Variants in CCNF observed in about 807,000 individuals in gnomAD.
The protein encoded by CCNF is cyclin-F.
In CCNF, 30 loss-of-function variants were observed where a neutral mutation model predicts 85.4. The ratio of observed to expected loss-of-function variants is 0.35; its 90% confidence interval spans 0.26 to 0.48. The LOEUF (loss-of-function observed/expected upper bound fraction) is 0.48, where lower values mean the gene tolerates loss of function less well. Ranked by LOEUF, CCNF falls within the 20% of genes least tolerant of loss-of-function variation. The pLI is 0.99. For synonymous variants in CCNF, 439 were observed against 425.1 expected, an observed-to-expected ratio of 1.03 and a Z score of -0.40; for missense variants, 919 against 1,010.4, an observed-to-expected ratio of 0.91 and a Z score of 1.23.
Position 2,454,589 on chromosome 16 carries a change from G to A in CCNF, c.1716-806G>A, listed in dbSNP as rs2065414776. Among the ~76,000 whole-genome samples, 2 of 152,240 alleles carry A rather than the reference G, an allele frequency of 1.3e-5. 1 individual carries two copies. Among genetic ancestry groups the A allele is most frequent in the South Asian group, 4.1e-4 (2 of 4,832 alleles). On this transcript the variant is annotated intron_variant, in intron 15 of 16. Transcript: ENST00000397066. Reference sequence around the variant, plus strand: ...CCACCAGGCCCTGGGGTCAGGAAGTGGAAAGGCTCAGCTGGTGTGGCGGCT... The same window carrying A: ...CCACCAGGCCCTGGGGTCAGGAAGTAGAAAGGCTCAGCTGGTGTGGCGGCT...
chr16:2,458,418 T>C lies in CCNF; in HGVS notation c.*1398T>C, dbSNP rs1035056876. ...AAGCACCCAACCACGCCCAGCTAAT[T>C]TTTGTATTTTCGGTAGAGACGGGAT... On this transcript the variant is annotated 3_prime_UTR_variant, in exon 17 of 17. Coordinates refer to ENST00000397066, the MANE Select transcript of CCNF (RefSeq NM_001761.3). The C allele has an allele frequency of 1.2e-4, 18 of 152,146 alleles. No homozygotes were observed. The highest frequency in any genetic ancestry group is 3.6e-4 in the African/African-American group (15 of 41,490). 9.4% of individuals were successfully genotyped at this position (152,146 alleles called of 1,614,324 possible). A position where few individuals can be genotyped will look rare whatever the true frequency, so the allele number is the denominator to read the frequency against.
rs2065396218 is a variant in CCNF, at chr16:2,451,713, GGGT to G, written c.1488-1495_1488-1493del. Among the ~76,000 whole-genome samples the G allele has an allele frequency of 6.6e-6, 1 of 152,146 alleles. No individual in the cohort carries two copies. The highest frequency in any genetic ancestry group is 1.5e-5 in the Non-Finnish European group (1 of 67,998). ...CCACAGGCACCAGCACAGCAGGCCT[GGGT>G]GCTTTTCTCCAGCCAGCATTACGCT... On this transcript the variant is annotated intron_variant, in intron 13 of 16. Coordinates refer to ENST00000397066, the MANE Select transcript of CCNF (RefSeq NM_001761.3). The surrounding 1 kb of genome is among the most constrained non-coding windows in gnomAD (Gnocchi z 4.3).
intron 8 of CCNF, among the ~76,000 whole-genome samples, chr16:2,442,889 T>TA (rs532798980): frequency 0.75 from 66,823 of 89,012 alleles, 25,662 homozygotes; most frequent in African/African-American, 0.92. Flanking sequence ...TATAATTATA[T>TA]ATTATATATT....
rs527743818 is a variant in CCNF at position 2,433,227 on chromosome 16, G to A, written c.278+160G>A. ...AGTGACTGAGGGTGGCAGACCTCAC[G>A]CATCAGGCCGCACAAGCCACACACC... is the stretch of plus-strand genomic sequence containing the variant. On this transcript the variant is annotated intron_variant, in intron 3 of 16. Transcript: ENST00000397066. Among the ~76,000 whole-genome samples the A allele has an allele frequency of 3.8e-3, 584 of 152,224 alleles. 2 individuals carry two copies. The highest frequency in any genetic ancestry group is 6.5e-3 in the Non-Finnish European group (441 of 68,002).
At chr16:2,450,753 AC>A (rs1189657526) in intron 13 of CCNF, among the ~76,000 whole-genome samples, 1 of 152,132 alleles carries the variant, frequency 6.6e-6, no homozygotes, top group African/African-American at 2.4e-5. Context: ...GGCAGCAGCC[AC>A]CCTCACTGGT....
At chr16:2,440,850 A>T (rs2065317350) in intron 8 of CCNF, among the ~76,000 whole-genome samples, 1 of 152,172 alleles carries the variant, frequency 6.6e-6, no homozygotes, top group African/African-American at 2.4e-5. Context: ...GCGCTGTAGG[A>T]GGTTGAGTTG....
chr16:2,438,704 T>A (rs995305357), intron 6 of CCNF, among the ~76,000 whole-genome samples: 1 of 150,530 alleles, frequency 6.6e-6, no homozygotes, highest in Non-Finnish European at 1.5e-5. Flanking sequence ...GAACATCAAG[T>A]AAAGAATAAG....
At position 2,445,631 on chromosome 16, in the gene CCNF, C is replaced by T. The variant is rs2065357838; in HGVS notation, c.1094+9C>T. 1 of 1,608,906 alleles carries T rather than the reference C, an allele frequency of 6.2e-7. No homozygotes were observed. The highest frequency in any genetic ancestry group is 1.1e-5 in the South Asian group (1 of 90,916). On this transcript the variant is annotated intron_variant, in intron 10 of 16. Transcript: ENST00000397066. The stretch of plus-strand genomic sequence containing the variant: ...ATGGTCATCTGCACCCGGTGAGAAG[C>T]CCCCTTGGCCCAGCTGGCAGGGACG...
At position 2,457,761 on chromosome 16, in the gene CCNF, CAAAAG is replaced by C. The variant is rs1382234327; in HGVS notation, c.*746_*750del. The stretch of plus-strand genomic sequence containing the variant: ...AAATTTCCTTCTTCCAAGATGAAAA[CAAAAG>C]AAAAACTTAAAACAGAAGGTATTAA... On this transcript the variant is annotated 3_prime_UTR_variant, in exon 17 of 17. Transcript: ENST00000397066. 1 of 152,146 alleles carries C rather than the reference CAAAAG, an allele frequency of 6.6e-6. No homozygotes were observed. 9.4% of individuals were successfully genotyped at this position (152,146 alleles called of 1,614,324 possible).
chr16:2,430,792 C>T (rs1431883161), intron 1 of CCNF, among the ~76,000 whole-genome samples: 3 of 152,190 alleles, frequency 2.0e-5, no homozygotes, highest in African/African-American at 7.2e-5. Context: ...AGAAGGAAAA[C>T]CGTCCTCAGC....
chr16:2,455,770 C>G (rs888282227), intron 16 of CCNF, among the ~76,000 whole-genome samples: 4 of 152,138 alleles, frequency 2.6e-5, no homozygotes, highest in African/African-American at 9.7e-5. Flanking sequence ...CACAGCTGCT[C>G]CCACCACACA....
chr16:2,448,622 C>T (rs1000058777), intron 10 of CCNF, among the ~76,000 whole-genome samples: 2 of 152,134 alleles, frequency 1.3e-5, no homozygotes, highest in Admixed American at 6.6e-5. Context: ...CTTTGTTGCC[C>T]AGGGTGGTCT....
At chr16:2,447,903 G>A (rs949681853) in intron 10 of CCNF, among the ~76,000 whole-genome samples, 1 of 152,242 alleles carries the variant, frequency 6.6e-6, no homozygotes, top group Non-Finnish European at 1.5e-5. Flanking sequence ...ACGCTGGCAG[G>A]TGTAGTCCCT....
chr16:2,446,032 C>T (rs2065360586), intron 10 of CCNF, among the ~76,000 whole-genome samples: 1 of 152,220 alleles, frequency 6.6e-6, no homozygotes, highest in South Asian at 2.1e-4. Context: ...GCCTGGCCCT[C>T]ACTGGTTCTT....
chr16:2,445,248 C>G, intron 9 of CCNF: 1 of 574,266 alleles, frequency 1.7e-6, no homozygotes, highest in South Asian at 2.0e-5. Flanking sequence ...GGAACACAGT[C>G]GAAGGATGTG....
In CCNF at chr16:2,453,134, G is replaced by A; in HGVS notation, c.1488-76G>A. On this transcript the variant is annotated intron_variant, in intron 13 of 16. Transcript: ENST00000397066. The surrounding 1 kb of genome is among the most constrained non-coding windows in gnomAD (Gnocchi z 5.6). ...GACTGCACCATTTTGCATTCTCATTGCTCACTTCAGTGAACTGAAGCTAAA... is the reference window on the plus strand; with the variant it reads ...GACTGCACCATTTTGCATTCTCATTACTCACTTCAGTGAACTGAAGCTAAA... 1 of 1,250,256 alleles carries A rather than the reference G, an allele frequency of 8.0e-7. No homozygotes were observed. The highest frequency in any genetic ancestry group is 1.2e-6 in the Non-Finnish European group (1 of 851,682). 77.4% of individuals were successfully genotyped at this position (1,250,256 alleles called of 1,614,324 possible). A position where few individuals can be genotyped will look rare whatever the true frequency, so the allele number is the denominator to read the frequency against.
chr16:2,437,496 G>A (rs1386065746), intron 5 of CCNF, 174 bp downstream of exon 5: 5 of 566,136 alleles, frequency 8.8e-6, no homozygotes, highest in African/African-American at 1.9e-5. Flanking sequence ...CTGGCACAGA[G>A]GAGGAAGCCT....
At chr16:2,444,439 AC>A (rs1447838677) in intron 9 of CCNF, among the ~76,000 whole-genome samples, 7 of 150,474 alleles carry the variant, frequency 4.7e-5, no homozygotes, top group Non-Finnish European at 8.9e-5. Context: ...AGCTGGGACT[AC>A]AGGTGCCTGC....
Sources: allele counts gnomAD v4.1 joint callset (sites outside exome capture counted in the v4.1 genomes callset), GRCh38; gene constraint gnomAD v4.1.1; non-coding constraint Gnocchi (gnomAD v3.1); transcripts MANE v1.5; gene names NCBI Gene and HGNC (gene_info 2026-07-23, HGNC 2026-07-21).